Variants in PHF20L1 observed in about 807,000 individuals in gnomAD.
PHF20L1 encodes PHD finger protein 20-like protein 1.
In PHF20L1, 44 loss-of-function variants were observed where a neutral mutation model predicts 125.5. The ratio of observed to expected loss-of-function variants is 0.35; its 90% CI spans 0.28 to 0.45. The LOEUF (loss-of-function observed/expected upper bound fraction) is 0.45, where lower values mean the gene tolerates loss of function less well. Ranked by LOEUF, PHF20L1 falls within the 20% of genes least tolerant of loss-of-function variation. PHF20L1 has a pLI of 1.00. For missense variants in PHF20L1, 1,012 were observed against 1,217.2 expected (o/e 0.83, Z 2.51); for synonymous variants, 380 against 403.1 (o/e 0.94, Z 0.69).
chr8:132,819,854 ACT>A (rs1232773714), intron 12 of PHF20L1, among the ~76,000 whole-genome samples: 1 of 151,280 alleles, frequency 6.6e-6, no homozygotes, highest in Non-Finnish European at 1.5e-5. Context: ...TCAAATTGAA[ACT>A]CTTGGGGAGT....
At chr8:132,807,162 A>T (rs1048367543) in intron 8 of PHF20L1, 1 of 152,744 alleles carries the variant, frequency 6.5e-6, no homozygotes, top group African/African-American at 2.4e-5. Flanking sequence ...ATATACATAT[A>T]TCATATATGT....
chr8:132,797,223 C>T (rs1029199815), intron 4 of PHF20L1, among the ~76,000 whole-genome samples: 2 of 151,854 alleles, frequency 1.3e-5, no homozygotes, highest in African/African-American at 4.8e-5. Context: ...ATAGGCCTGC[C>T]CGCTCCCCAC....
At chr8:132,826,919 GT>G (rs1438640576) in intron 14 of PHF20L1, 1 of 151,960 alleles carries the variant, frequency 6.6e-6, no homozygotes, top group Non-Finnish European at 1.5e-5. Context: ...CAGTTTTGTG[GT>G]TGGTAATCAT....
rs1175464345 is a variant in PHF20L1, at chr8:132,804,751, A to G, written c.847+11A>G. 3 of 1,583,250 alleles carry G rather than the reference A, an allele frequency of 1.9e-6. No homozygotes were observed. Among genetic ancestry groups the G allele is most frequent in the Non-Finnish European group, 2.6e-6 (3 of 1,167,904 alleles). Reference sequence around the variant, plus strand: ...TTAACAAGATTACTGGTAAACTACAATGATTTTTTTTTTGAGGGGGGGAAA... The same window carrying G: ...TTAACAAGATTACTGGTAAACTACAGTGATTTTTTTTTTGAGGGGGGGAAA... On this transcript the variant is annotated intron_variant, in intron 8 of 20. Coordinates refer to ENST00000395386, the MANE Select transcript of PHF20L1 (RefSeq NM_016018.5).
At chr8:132,804,873 G>T in intron 8 of PHF20L1, 133 bp downstream of exon 8, 2 of 726,210 alleles carry the variant, frequency 2.8e-6, no homozygotes, top group South Asian at 2.0e-5. Flanking sequence ...ATTACTTTGT[G>T]GTTCTTCAAG....
chr8:132,801,772 CATAAAA>C (rs10546596), intron 6 of PHF20L1, among the ~76,000 whole-genome samples: 55,330 of 150,936 alleles, frequency 0.37, 10,180 homozygotes, highest in East Asian at 0.54. Flanking sequence ...TAGAACTCAA[CATAAAA>C]ATAAAAGAGC....
Position 132,847,563 on chromosome 8 carries a change from G to A in PHF20L1, c.*1640G>A, listed in dbSNP as rs1838507538. Reference sequence around the variant, plus strand: ...GTAAGGGTACTGTATGTAAAACTCTGTATTAAAACTATTCCACATATCCTA... The same window carrying A: ...GTAAGGGTACTGTATGTAAAACTCTATATTAAAACTATTCCACATATCCTA... On this transcript the variant is annotated 3_prime_UTR_variant, in exon 21 of 21. Coordinates refer to ENST00000395386, the MANE Select transcript of PHF20L1 (RefSeq NM_016018.5). The A allele has an allele frequency of 6.6e-6, 1 of 152,542 alleles. No homozygotes were observed. The highest frequency in any genetic ancestry group is 1.5e-5 in the Non-Finnish European group (1 of 68,002). 9.4% of individuals were successfully genotyped at this position (152,542 alleles called of 1,614,324 possible).
Position 132,817,422 on chromosome 8 carries a change from C to A in PHF20L1, c.1456C>A (p.Pro486Thr). Residue 486 changes from proline (P) to threonine (T), a missense_variant, in exon 12 of 21, where the codon CCG becomes ACG. Physicochemically the swap from Pro to Thr is conservative, Grantham distance 38 (BLOSUM62 -1). This residue lies in a region of PHF20L1 where 320 missense variants were observed against 293.8 expected (regional missense o/e 1.09). Coordinates refer to ENST00000395386, the MANE Select transcript of PHF20L1 (RefSeq NM_016018.5). Reference sequence around the variant, plus strand: ...AAGTCGTGGTTCAGAAGTTACAGCACCGGTAGCCTCAGATTCCTCTTACCG... The same window carrying A: ...AAGTCGTGGTTCAGAAGTTACAGCAACGGTAGCCTCAGATTCCTCTTACCG... Reference protein sequence around the residue: ...DLSRGSEVTAPVASDSSYRNE... With the variant: ...DLSRGSEVTATVASDSSYRNE... 1.2e-6 allele frequency: 2 copies of A among 1,612,670 alleles called. No individual in the cohort carries two copies. Among genetic ancestry groups the A allele is most frequent in the African/African-American group, 1.3e-5 (1 of 74,912 alleles).
Position 132,825,352 on chromosome 8 carries a change from AAAG to A in PHF20L1, c.1728_1730del (p.Lys577del). On this transcript the variant is annotated inframe_deletion, in exon 14 of 21. Coordinates refer to ENST00000395386, the MANE Select transcript of PHF20L1 (RefSeq NM_016018.5). ...AACAGAAGAAGAAGAAAAAAAAGAA[AAAG>A]AAATCTAAGCAACATGGTAAGTACA... The A allele has an allele frequency of 6.6e-7, 1 of 1,505,764 alleles. No homozygotes were observed. Among genetic ancestry groups the A allele is most frequent in the Non-Finnish European group, 9.0e-7 (1 of 1,114,024 alleles). 93.3% of individuals were successfully genotyped at this position (1,505,764 alleles called of 1,614,324 possible).
chr8:132,780,906 G>A (rs1472888233), intron 2 of PHF20L1, among the ~76,000 whole-genome samples: 6 of 149,370 alleles, frequency 4.0e-5, no homozygotes, highest in East Asian at 2.0e-4. Context: ...GTGCAGTGGC[G>A]TGATCTTGGC....
At position 132,810,993 on chromosome 8, in the gene PHF20L1, G is replaced by A. The variant is rs544016641; in HGVS notation, c.848-53G>A. On this transcript the variant is annotated intron_variant, in intron 8 of 20. Coordinates refer to ENST00000395386, the MANE Select transcript of PHF20L1 (RefSeq NM_016018.5). ...CTAAGATTTTTGCAAAGTTAATTAG[G>A]GTGTAAATCAGTATTTTTTCTAATA... is the stretch of plus-strand genomic sequence containing the variant. The A allele has an allele frequency of 5.4e-5, 58 of 1,068,122 alleles. No individual in the cohort carries two copies. The South Asian group carries it at 7.0e-4, about 13-fold the overall frequency. 66.2% of individuals were successfully genotyped at this position (1,068,122 alleles called of 1,614,324 possible).
intron 19 of PHF20L1, chr8:132,843,604 A>AT (rs918944716): frequency 5.0e-4 from 323 of 643,670 alleles, no homozygotes; most frequent in Non-Finnish European, 5.6e-4. Context: ...CCAAACGCAC[A>AT]TTGTGTGTGT....
Position 132,847,487 on chromosome 8 carries a change from G to A in PHF20L1, c.*1564G>A, listed in dbSNP as rs1179935510. The A allele has an allele frequency of 6.6e-6, 1 of 152,514 alleles. No homozygotes were observed. The highest frequency in any genetic ancestry group is 1.9e-4 in the East Asian group (1 of 5,186). The allele number at this position is 152,514 out of a possible 1,614,324, so 9.4% of individuals were successfully genotyped here. A position where few individuals can be genotyped will look rare whatever the true frequency, so the allele number is the denominator to read the frequency against. On this transcript the variant is annotated 3_prime_UTR_variant, in exon 21 of 21. Transcript: ENST00000395386. ...GAATTTATCTTTGATAAGAATACAT[G>A]CCACTGTACATTCAGATATTATTTA...
chr8:132,800,442 A>G (rs1316880992), intron 6 of PHF20L1, among the ~76,000 whole-genome samples: 1 of 151,698 alleles, frequency 6.6e-6, no homozygotes. Context: ...CTTTTTCCCA[A>G]CAAGCTTTTG....
chr8:132,834,716 A>G (rs1035014369), intron 15 of PHF20L1, among the ~76,000 whole-genome samples: 1 of 151,996 alleles, frequency 6.6e-6, no homozygotes, highest in Non-Finnish European at 1.5e-5. Flanking sequence ...CCCAAAAGAA[A>G]ATTTGGATTT....
chr8:132,824,086 C>T (rs762412058), intron 13 of PHF20L1, 26 bp downstream of exon 13: 1 of 1,442,824 alleles, frequency 6.9e-7, no homozygotes, highest in East Asian at 2.3e-5. Flanking sequence ...AATCTTTAAG[C>T]AAAAGACTAT....
At chr8:132,816,583 A>C in intron 10 of PHF20L1, 1 of 233,612 alleles carries the variant, frequency 4.3e-6, no homozygotes, top group South Asian at 1.0e-4. Flanking sequence ...CAATTTACAC[A>C]ACGATCTGCA....
At chr8:132,781,894 A>G (rs1307573780) in intron 2 of PHF20L1, among the ~76,000 whole-genome samples, 1 of 152,222 alleles carries the variant, frequency 6.6e-6, no homozygotes, top group African/African-American at 2.4e-5. Context: ...GATCTCTCCT[A>G]CACTGACCAA....
chr8:132,778,107 A>C (rs751772589), intron 2 of PHF20L1, among the ~76,000 whole-genome samples, 196 bp downstream of exon 2: 2 of 152,186 alleles, frequency 1.3e-5, no homozygotes, highest in Non-Finnish European at 2.9e-5. Context: ...TTTTTAGTCA[A>C]CTGACTAAAT....
Sources: allele counts gnomAD v4.1 joint callset (sites outside exome capture counted in the v4.1 genomes callset), GRCh38; gene constraint gnomAD v4.1.1; regional missense constraint gnomAD v4.1.1; transcripts MANE v1.5; gene names NCBI Gene and HGNC (gene_info 2026-07-23, HGNC 2026-07-21).